Variants in AMN observed in about 807,000 individuals in gnomAD.
AMN encodes protein amnionless.
In AMN, 40 loss-of-function variants were observed where a neutral mutation model predicts 49.1. That is an observed-to-expected ratio of 0.81 (90% CI 0.63 to 1.06). The LOEUF is 1.06. Ranked by LOEUF, AMN falls within the 50% of genes least tolerant of loss-of-function variation. AMN has a pLI of 0.00. For synonymous variants in AMN, 380 were observed against 313.3 expected, an observed-to-expected ratio of 1.21 and a Z score of -2.25; for missense variants, 701 against 662.8, an observed-to-expected ratio of 1.06 and a Z score of -0.63.
At chr14:102,929,365 G>A in intron 6 of AMN, 63 bp from the exon 7 acceptor site, 2 of 1,515,154 alleles carry the variant, frequency 1.3e-6, no homozygotes, top group Non-Finnish European at 1.8e-6. Flanking sequence ...CTTCTCGGAG[G>A]CATCGCCCTT....
At position 102,930,239 on chromosome 14, in the gene AMN, C is replaced by CTGGCGGGCGGCG; in HGVS notation, c.1088_1099dup (p.Gly363_Ala366dup). 7.2e-7 allele frequency: 1 copy of CTGGCGGGCGGCG among 1,386,646 alleles called. No homozygotes were observed. The highest frequency in any genetic ancestry group is 9.3e-7 in the Non-Finnish European group (1 of 1,072,748). The allele number at this position is 1,386,646 out of a possible 1,614,324, so 85.9% of individuals were successfully genotyped here. On this transcript the variant is annotated inframe_insertion, in exon 10 of 12. Coordinates refer to ENST00000299155, the MANE Select transcript of AMN (RefSeq NM_030943.4). ...CGTCTGGGGCAGCTCCGCGGCTGGG[C>CTGGCGGGCGGCG]TGGCGGGCGGCGTGGCGGCTGCCGT...
rs776938582 is a variant in AMN, at chr14:102,928,747, C to T, written c.296-11C>T. On this transcript the variant is annotated splice_polypyrimidine_tract_variant and intron_variant, in intron 4 of 11. Transcript: ENST00000299155. The stretch of plus-strand genomic sequence containing the variant: ...TTGTTCCGTGGAGCTCAGGGATGTG[C>T]TCCGGCTCAGGCGAACCTGCCGTCT... 15 of 1,604,976 alleles carry T rather than the reference C, an allele frequency of 9.3e-6. No individual in the cohort carries two copies. In the African/African-American group the frequency reaches 1.7e-4, roughly 19 times the overall value.
rs764306556 is a variant in AMN, at chr14:102,922,681, G to T, written c.-8G>T. 6.3e-7 allele frequency: 1 copy of T among 1,599,474 alleles called. No individual in the cohort carries two copies. ...GTCTCCTGGTGGGGTGCAAGGAGCC[G>T]AGGCGAGATGGGCGTCCTGGGCCGG... On this transcript the variant is annotated 5_prime_UTR_variant, in exon 1 of 12. Coordinates refer to ENST00000299155, the MANE Select transcript of AMN (RefSeq NM_030943.4).
Position 102,930,729 on chromosome 14 carries a change from A to G in AMN, c.*49A>G. 7 of 1,533,808 alleles carry G rather than the reference A, an allele frequency of 4.6e-6. No homozygotes were observed. The highest frequency in any genetic ancestry group is 6.2e-6 in the Non-Finnish European group (7 of 1,136,290). The stretch of plus-strand genomic sequence containing the variant: ...GGGGCTCTCCACCCGCTCTGGCCCC[A>G]GTCGAACTGGGGGCTAGCCACCTCC... On this transcript the variant is annotated 3_prime_UTR_variant, in exon 12 of 12. Coordinates refer to ENST00000299155, the MANE Select transcript of AMN (RefSeq NM_030943.4).
At position 102,928,018 on chromosome 14, in the gene AMN, C is replaced by A. The variant is rs575200474; in HGVS notation, c.208-408C>A. On this transcript the variant is annotated intron_variant, in intron 3 of 11. Transcript: ENST00000299155. ...GACTCCCCAGGAGCCGGGCAACTTT[C>A]GAAACTTTAGTTCCTGGAACCTGGG... is the stretch of plus-strand genomic sequence containing the variant. Among the ~76,000 whole-genome samples, 4 of 152,304 alleles carry A rather than the reference C, an allele frequency of 2.6e-5. No homozygotes were observed. The South Asian group carries it at 6.2e-4, about 24-fold the overall frequency.
At chr14:102,927,685 C>T (rs1371824140) in intron 3 of AMN, among the ~76,000 whole-genome samples, 3 of 152,204 alleles carry the variant, frequency 2.0e-5, no homozygotes, top group Non-Finnish European at 4.4e-5. Context: ...GTTGCCCTGG[C>T]CCAGCGCTCA....
intron 3 of AMN, among the ~76,000 whole-genome samples, chr14:102,926,155 G>C (rs990790246): frequency 3.3e-5 from 5 of 152,114 alleles, no homozygotes; most frequent in Admixed American, 1.3e-4. Flanking sequence ...CATTTTAATC[G>C]ACCTAATGCA....
chr14:102,929,201 G>C lies in AMN; in HGVS notation c.594G>C (p.Leu198=). Residue 198 remains leucine (L), a synonymous_variant, in exon 6 of 12, where the codon CTG becomes CTC. Transcript: ENST00000299155. ...TACGCTTCCACGGGCCGGGCGCGCT[G>C]AGCGTGGGCCCCGAGGACTGCGCGG... is the stretch of plus-strand genomic sequence containing the variant. ...GRLRFHGPGA[L]SVGPEDCADP... The C allele has an allele frequency of 1.3e-6, 2 of 1,587,056 alleles. No individual in the cohort carries two copies. The highest frequency in any genetic ancestry group is 2.2e-5 in the South Asian group (2 of 89,552).
At chr14:102,923,880 G>C (rs199714929) in intron 2 of AMN, 51 bp downstream of exon 2, 146 of 1,612,842 alleles carry the variant, frequency 9.1e-5, no homozygotes, top group Middle Eastern at 6.6e-4. Context: ...CCCTGAGACC[G>C]TGTGGCCCCG....
In AMN at chr14:102,928,494, G is replaced by A. The variant is rs774609969; in HGVS notation, c.276G>A (p.Ser92=). The A allele has an allele frequency of 1.2e-5, 19 of 1,608,732 alleles. No individual in the cohort carries two copies. The highest frequency in any genetic ancestry group is 1.7e-5 in the Admixed American group (1 of 59,838). The change falls in exon 4 of 12, where the codon TCG becomes TCA. Residue 92 remains serine (S), a synonymous_variant. Coordinates refer to ENST00000299155, the MANE Select transcript of AMN (RefSeq NM_030943.4). ...GATTCGGCGTCTCAGACGTGGGCTC[G>A]CACCTGGACTGTGGCGCGGGTGAGG... The part of the protein sequence containing the change: ...GAGFGVSDVG[S]HLDCGAGEPA...
Position 102,930,469 on chromosome 14 carries a change from C to G in AMN, c.1233C>G (p.Phe411Leu), listed in dbSNP as rs1433912403. 4.6e-6 allele frequency: 7 copies of G among 1,531,382 alleles called. No individual in the cohort carries two copies. 94.9% of individuals were successfully genotyped at this position (1,531,382 alleles called of 1,614,324 possible). Residue 411 changes from phenylalanine to leucine, a missense_variant, in exon 11 of 12, where the codon TTC (phenylalanine) becomes TTG (leucine). Physicochemically the swap from Phe to Leu is conservative, Grantham distance 22 (BLOSUM62 0). Transcript: ENST00000299155. ...CCCTCGGCTTCCGCAACCCGGTGTT[C>G]GACGTGACGGCCTCCGAGGAGCTGG... ...GAPLGFRNPV[F>L]DVTASEELPL...
chr14:102,927,796 C>T (rs1891220542), intron 3 of AMN, among the ~76,000 whole-genome samples: 1 of 152,208 alleles, frequency 6.6e-6, no homozygotes, highest in Non-Finnish European at 1.5e-5. Flanking sequence ...GTCAGACCCC[C>T]CGTATTTCTG....
At chr14:102,928,605 G>A (rs1423214932) in intron 4 of AMN, 92 bp downstream of exon 4, 6 of 1,508,376 alleles carry the variant, frequency 4.0e-6, no homozygotes, top group Non-Finnish European at 5.4e-6. Context: ...GAGGACCGGA[G>A]GGAGGGCGCC....
chr14:102,925,245 G>T (rs572478465), intron 3 of AMN, among the ~76,000 whole-genome samples: 1 of 152,250 alleles, frequency 6.6e-6, no homozygotes, highest in Non-Finnish European at 1.5e-5. Flanking sequence ...TCCAGGCCTG[G>T]GGCCCCCGCG....
intron 3 of AMN, among the ~76,000 whole-genome samples, chr14:102,928,085 G>A (rs976168890): frequency 6.6e-6 from 1 of 152,170 alleles, no homozygotes; most frequent in African/African-American, 2.4e-5. Flanking sequence ...TACGGGGGGA[G>A]GCGACAGGCC....
chr14:102,923,537 C>A (rs1184189105), intron 1 of AMN, 174 bp from the exon 2 acceptor site: 9 of 659,004 alleles, frequency 1.4e-5, no homozygotes, highest in Non-Finnish European at 1.9e-5. Context: ...CCGGGCAGGG[C>A]GCCCACAGTC....
rs1369726836 is a variant in AMN at position 102,930,836 on chromosome 14, T to G, written c.*156T>G. The G allele has an allele frequency of 2.4e-6, 2 of 838,268 alleles. No homozygotes were observed. The highest frequency in any genetic ancestry group is 3.8e-6 in the Non-Finnish European group (2 of 524,806). 51.9% of individuals were successfully genotyped at this position (838,268 alleles called of 1,614,324 possible). A position where few individuals can be genotyped will look rare whatever the true frequency, so the allele number is the denominator to read the frequency against. ...GGTGGCCTTACTCAGTAAAGGTGTTTCCTGCACCTGCTGTCAGCCTGGCTA... is the reference window on the plus strand; with the variant it reads ...GGTGGCCTTACTCAGTAAAGGTGTTGCCTGCACCTGCTGTCAGCCTGGCTA... On this transcript the variant is annotated 3_prime_UTR_variant, in exon 12 of 12. Coordinates refer to ENST00000299155, the MANE Select transcript of AMN (RefSeq NM_030943.4).
In AMN at chr14:102,929,250, A is replaced by G. The variant is rs1248606884; in HGVS notation, c.643A>G (p.Asn215Asp). The G allele has an allele frequency of 6.7e-7, 1 of 1,488,200 alleles. No individual in the cohort carries two copies. The highest frequency in any genetic ancestry group is 1.3e-5 in the South Asian group (1 of 75,254). The allele number at this position is 1,488,200 out of a possible 1,614,324, so 92.2% of individuals were successfully genotyped here. ...GGACCCGTCGGGCTGCGTCTGCGGC[A>G]ACGCGGAGGTGAGCGAGGCCGCAGT... ...CADPSGCVCG[N>D]AEAQPWICAA... Residue 215 changes from asparagine to aspartate, a missense_variant, in exon 6 of 12, where the codon AAC becomes GAC. Coordinates refer to ENST00000299155, the MANE Select transcript of AMN (RefSeq NM_030943.4).
At chr14:102,926,849 C>T (rs1891199849) in intron 3 of AMN, among the ~76,000 whole-genome samples, 1 of 152,044 alleles carries the variant, frequency 6.6e-6, no homozygotes, top group Non-Finnish European at 1.5e-5. Context: ...TAAAGTTTTC[C>T]CTGTAGAGGT....
Sources: allele counts gnomAD v4.1 joint callset (sites outside exome capture counted in the v4.1 genomes callset), GRCh38; gene constraint gnomAD v4.1.1; transcripts MANE v1.5; gene names NCBI Gene and HGNC (gene_info 2026-07-23, HGNC 2026-07-21).